Variants in PCDHAC1 observed in about 807,000 individuals in gnomAD.
The protein encoded by PCDHAC1 is protocadherin alpha-C1.
A neutral mutation model predicts 60.0 loss-of-function variants in PCDHAC1; 42 were observed. The observed-to-expected ratio is 0.70, with a 90% confidence interval of 0.55 to 0.90. The LOEUF (loss-of-function observed/expected upper bound fraction) is 0.90, where lower values mean the gene tolerates loss of function less well. Among genes scored for constraint, PCDHAC1 ranks in the 40% least tolerant of loss-of-function variants. The probability of loss-of-function intolerance (pLI) is 0.00; values close to 1 mark genes in which losing one functional copy is unlikely to be tolerated. For missense variants in PCDHAC1, 1,160 were observed against 1,222.3 expected (o/e 0.95, Z 0.76); for synonymous variants, 468 against 499.3 (o/e 0.94, Z 0.84).
rs114567887 is a variant in PCDHAC1, at chr5:140,974,104, T to G, written c.2434-4845T>G. The stretch of plus-strand genomic sequence containing the variant: ...GACTTCAAAAATCAAAGGTTAAAAG[T>G]ATTCTTTTGCAGTGTTTTAAATCTG... On this transcript the variant is annotated intron_variant, in intron 1 of 3. Coordinates refer to ENST00000253807, the MANE Select transcript of PCDHAC1 (RefSeq NM_018898.5). Among the ~76,000 whole-genome samples, 1,327 of 152,364 alleles carry G rather than the reference T, an allele frequency of 8.7e-3. 24 individuals carry two copies. Among genetic ancestry groups the G allele is most frequent in the African/African-American group, 0.03 (1,240 of 41,584 alleles).
At chr5:140,930,675 A>G (rs1326713897) in intron 1 of PCDHAC1, among the ~76,000 whole-genome samples, 2 of 152,234 alleles carry the variant, frequency 1.3e-5, no homozygotes, top group Non-Finnish European at 2.9e-5. Flanking sequence ...TATTCTAGGC[A>G]ATAAGGGGAA....
At chr5:140,951,247 A>G (rs185452142) in intron 1 of PCDHAC1, among the ~76,000 whole-genome samples, 1 of 152,230 alleles carries the variant, frequency 6.6e-6, no homozygotes, top group Non-Finnish European at 1.5e-5. Context: ...TTAGGAATGC[A>G]TCACATTTTT....
chr5:140,990,205 G>T (rs2097380865), intron 3 of PCDHAC1, among the ~76,000 whole-genome samples: 1 of 152,116 alleles, frequency 6.6e-6, no homozygotes, highest in Non-Finnish European at 1.5e-5. Context: ...ACCCGAAAGA[G>T]AACAAAGAGA....
In PCDHAC1 at chr5:140,929,241, T is replaced by TG. The variant is rs2085975080; in HGVS notation, c.2350dup (p.Ala784GlyfsTer18). 1 of 1,613,878 alleles carries TG rather than the reference T, an allele frequency of 6.2e-7. No homozygotes were observed. On this transcript the variant is annotated frameshift_variant, in exon 1 of 4. Transcript: ENST00000253807. LOFTEE classifies it high-confidence loss of function. ...ACAATGCTGCCGACCTGCGAAATCT[T>TG]GCCACTGGGGTAGGACTGAATTTGC...
chr5:140,962,216 G>C (rs554182128), intron 1 of PCDHAC1, among the ~76,000 whole-genome samples: 2 of 152,170 alleles, frequency 1.3e-5, no homozygotes, highest in African/African-American at 4.8e-5. Context: ...TATTGATCTT[G>C]AGGTTCAAGT....
chr5:140,988,750 C>G (rs1282256432), intron 3 of PCDHAC1, among the ~76,000 whole-genome samples: 1 of 152,074 alleles, frequency 6.6e-6, no homozygotes, highest in Non-Finnish European at 1.5e-5. Context: ...GATTGGTGGC[C>G]TGGGCAGAAT....
chr5:140,986,638 G>A (rs185773882), intron 3 of PCDHAC1, among the ~76,000 whole-genome samples: 18 of 152,282 alleles, frequency 1.2e-4, no homozygotes, highest in Non-Finnish European at 2.6e-4. Flanking sequence ...CAGTACATTA[G>A]TTTTAGAGTG....
intron 1 of PCDHAC1, among the ~76,000 whole-genome samples, chr5:140,935,636 G>A (rs1554210607): frequency 6.6e-6 from 1 of 152,052 alleles, no homozygotes; most frequent in African/African-American, 2.4e-5. Context: ...TTTAGGGCTT[G>A]CTTTTTAAAT....
intron 1 of PCDHAC1, among the ~76,000 whole-genome samples, chr5:140,975,516 G>A (rs1310855349): frequency 6.6e-6 from 1 of 152,284 alleles, no homozygotes; most frequent in South Asian, 2.1e-4. Flanking sequence ...TGCAAAATCT[G>A]CAGTGGATAT....
Position 140,958,548 on chromosome 5 carries a change from A to G in PCDHAC1, c.2434-20401A>G, listed in dbSNP as rs185504563. The stretch of plus-strand genomic sequence containing the variant: ...TATGTGTACATTGATTTATGAACCA[A>G]TAAATGTTTCATACACAGTTGAGAT... On this transcript the variant is annotated intron_variant, in intron 1 of 3. Transcript: ENST00000253807. Among the ~76,000 whole-genome samples the G allele has an allele frequency of 5.4e-3, 828 of 152,296 alleles. 8 individuals are homozygous for G. Among genetic ancestry groups the G allele is most frequent in the South Asian group, 1.0e-2 (48 of 4,822 alleles).
intron 1 of PCDHAC1, among the ~76,000 whole-genome samples, chr5:140,954,250 T>C (rs1018325931): frequency 6.6e-6 from 1 of 152,252 alleles, no homozygotes; most frequent in Non-Finnish European, 1.5e-5. Context: ...AACATACACA[T>C]GCAGGTATCT....
chr5:140,968,629 T>C, intron 1 of PCDHAC1: 1 of 1,614,174 alleles, frequency 6.2e-7, no homozygotes, highest in Non-Finnish European at 8.5e-7. Context: ...CTTGGCTTTT[T>C]TACCATCTAG....
chr5:140,958,084 T>C (rs2095408627), intron 1 of PCDHAC1, among the ~76,000 whole-genome samples: 1 of 152,110 alleles, frequency 6.6e-6, no homozygotes, highest in African/African-American at 2.4e-5. Flanking sequence ...AAAAGTAAAG[T>C]TGTACAATAG....
chr5:140,976,615 G>C (rs1264627090), intron 1 of PCDHAC1, among the ~76,000 whole-genome samples: 2 of 152,102 alleles, frequency 1.3e-5, no homozygotes, highest in Admixed American at 1.3e-4. Context: ...AAACATGACT[G>C]TCAGCTGAAC....
chr5:141,011,626 C>T lies in PCDHAC1; in HGVS notation c.*1689C>T, dbSNP rs1340546254. 6.5e-6 allele frequency: 1 copy of T among 153,668 alleles called. No individual in the cohort carries two copies. Among genetic ancestry groups the T allele is most frequent in the Non-Finnish European group, 1.5e-5 (1 of 68,026 alleles). The allele number at this position is 153,668 out of a possible 1,614,324, so 9.5% of individuals were successfully genotyped here. On this transcript the variant is annotated 3_prime_UTR_variant, in exon 4 of 4. Transcript: ENST00000253807. Reference sequence around the variant, plus strand: ...ATTTTATTTATGGTCCAGCCAAGAGCCATCTCGTGCCAAGACTTCTGCTGG... The same window carrying T: ...ATTTTATTTATGGTCCAGCCAAGAGTCATCTCGTGCCAAGACTTCTGCTGG...
At chr5:141,001,388 TAC>T (rs1234412755) in intron 3 of PCDHAC1, among the ~76,000 whole-genome samples, 4 of 152,238 alleles carry the variant, frequency 2.6e-5, no homozygotes, top group Non-Finnish European at 5.9e-5. Flanking sequence ...CCTAAGATCC[TAC>T]AGAGAACAGG....
chr5:140,967,800 TGGCA>T, intron 1 of PCDHAC1: 1 of 1,614,174 alleles, frequency 6.2e-7, no homozygotes, highest in Non-Finnish European at 8.5e-7. Context: ...CCAGTGCCCA[TGGCA>T]GGTCACTGCA....
intron 1 of PCDHAC1, among the ~76,000 whole-genome samples, chr5:140,971,680 A>C (rs185214999): frequency 1.1e-4 from 17 of 152,268 alleles, no homozygotes; most frequent in African/African-American, 4.1e-4. Context: ...AGAGTAAGGG[A>C]ATTTGTACTC....
rs1475862780 is a variant in PCDHAC1 at position 140,982,724 on chromosome 5, G to T, written c.2581+161G>T. On this transcript the variant is annotated intron_variant, in intron 3 of 3. Transcript: ENST00000253807. Reference sequence around the variant, plus strand: ...ATTTCCTTACATATATGATTATTTTGATTTTATACCTAATGCTCTTCAGGA... The same window carrying T: ...ATTTCCTTACATATATGATTATTTTTATTTTATACCTAATGCTCTTCAGGA... 5.5e-6 allele frequency: 5 copies of T among 906,286 alleles called. No homozygotes were observed. The African/African-American group carries it at 9.0e-5, about 16-fold the overall frequency. The allele number at this position is 906,286 out of a possible 1,614,324, so 56.1% of individuals were successfully genotyped here.
Sources: allele counts gnomAD v4.1 joint callset (sites outside exome capture counted in the v4.1 genomes callset), GRCh38; gene constraint gnomAD v4.1.1; transcripts MANE v1.5; gene names NCBI Gene and HGNC (gene_info 2026-07-23, HGNC 2026-07-21).